The following OSBPL5 variants were observed in gnomAD, a reference collection of about 807,000 sequenced individuals.
OSBPL5 encodes the protein oxysterol binding protein like 5, also known as oxysterol-binding protein-related protein 5.
In OSBPL5, 71 loss-of-function variants were observed where a neutral mutation model predicts 111.2. The ratio of observed to expected loss-of-function variants is 0.64; its 90% confidence interval spans 0.53 to 0.78. OSBPL5 has a LOEUF of 0.78. OSBPL5 is among the 30% of genes least tolerant of loss of function. OSBPL5 has a pLI of 0.00. For missense variants in OSBPL5, 1,210 were observed against 1,189.3 expected (o/e 1.02, Z -0.26); for synonymous variants, 549 against 513.9 (o/e 1.07, Z -0.93).
intron 1 of OSBPL5, among the ~76,000 whole-genome samples, chr11:3,131,846 C>T (rs1845809114): frequency 8.3e-6 from 1 of 119,888 alleles, no homozygotes; most frequent in African/African-American, 3.3e-5. Flanking sequence ...TCTATCCATC[C>T]ACCCACCAAA....
At chr11:3,138,661 C>T (rs1564854079) in intron 1 of OSBPL5, among the ~76,000 whole-genome samples, 3 of 152,236 alleles carry the variant, frequency 2.0e-5, no homozygotes, top group Non-Finnish European at 4.4e-5. Flanking sequence ...CCCTCAGGCA[C>T]ACCTGGGGCC....
intron 1 of OSBPL5, among the ~76,000 whole-genome samples, chr11:3,148,015 C>A (rs1184313939): frequency 1.3e-5 from 2 of 152,196 alleles, no homozygotes; most frequent in Non-Finnish European, 2.9e-5. Context: ...CCTCCGCACG[C>A]CCCCGGCACC....
rs1857708847 is a variant in OSBPL5, at chr11:3,106,781, C to G, written c.1059+482G>C. Among the ~76,000 whole-genome samples, 3 of 152,142 alleles carry G rather than the reference C, an allele frequency of 2.0e-5. No homozygotes were observed. ...GTTTATCATCTATGTTTCCTGCTGC[C>G]CATACACTGGGGGCCCAGAGCCCAG... On this transcript the variant is annotated intron_variant, in intron 9 of 21. Coordinates refer to ENST00000263650, the MANE Select transcript of OSBPL5 (RefSeq NM_020896.4). This position sits in a 1 kb window ranked among gnomAD's most constrained non-coding sequence, Gnocchi z 8.4.
At chr11:3,128,809 G>T (rs1005306367) in intron 2 of OSBPL5, among the ~76,000 whole-genome samples, 2 of 152,082 alleles carry the variant, frequency 1.3e-5, no homozygotes, top group South Asian at 4.1e-4. Flanking sequence ...AACCAGATGG[G>T]CTTCACCTGG....
chr11:3,124,254 A>G (rs1465991124), intron 3 of OSBPL5, among the ~76,000 whole-genome samples: 1 of 152,170 alleles, frequency 6.6e-6, no homozygotes, highest in African/African-American at 2.4e-5. Flanking sequence ...GCACTTTCTT[A>G]GCCAAGTAAG....
At chr11:3,101,757 G>C (rs574177127) in intron 12 of OSBPL5, 58 bp from the exon 13 acceptor site, 1 of 1,431,382 alleles carries the variant, frequency 7.0e-7, no homozygotes, top group Non-Finnish European at 9.8e-7. Flanking sequence ...CCCAGGAAGC[G>C]AGAGCCCAGC....
Position 3,103,874 on chromosome 11 carries a change from GCCTCTGTAGCCCCATTCC to G in OSBPL5, c.1244+301_1244+318del, listed in dbSNP as rs1564830824. Among the ~76,000 whole-genome samples the G allele has an allele frequency of 1.3e-3, 65 of 48,586 alleles. 2 individuals carry two copies. Among genetic ancestry groups the G allele is most frequent in the Admixed American group, 4.7e-3 (19 of 4,078 alleles). 31.9% of individuals were successfully genotyped at this position (48,586 alleles called of 152,430 possible). On this transcript the variant is annotated intron_variant, in intron 10 of 21. Transcript: ENST00000263650. Reference sequence around the variant, plus strand: ...TTCCAGTCTGCGCAGCCCCCTTCCTGCCTCTGTAGCCCCATTCCTGCCTCTGCAGCCCCCTTCCTGCCT... The same window carrying G: ...TTCCAGTCTGCGCAGCCCCCTTCCTGTGCCTCTGCAGCCCCCTTCCTGCCT...
intron 4 of OSBPL5, 73 bp downstream of exon 4, chr11:3,122,275 G>A: frequency 6.6e-7 from 1 of 1,514,428 alleles, no homozygotes; most frequent in Admixed American, 1.8e-5. Flanking sequence ...AGGTGGGGAG[G>A]GTGACCTCCC....
At chr11:3,090,432 A>C in intron 20 of OSBPL5, 126 bp downstream of exon 20, 1 of 1,338,740 alleles carries the variant, frequency 7.5e-7, no homozygotes, top group Non-Finnish European at 1.0e-6. Context: ...AGGGCAGCAG[A>C]GGAGCTTTTG....
Position 3,107,152 on chromosome 11 carries a change from C to T in OSBPL5, c.1059+111G>A. ...TGCCAAGTGATGGGGACAAAAGCTA[C>T]CCCCTGGGCCCTGCGTGCTCCCCCT... On this transcript the variant is annotated intron_variant, in intron 9 of 21. Transcript: ENST00000263650. The surrounding 1 kb of genome is among the most constrained non-coding windows in gnomAD (Gnocchi z 6.1). 4.0e-6 allele frequency: 5 copies of T among 1,235,306 alleles called. No individual in the cohort carries two copies. 76.5% of individuals were successfully genotyped at this position (1,235,306 alleles called of 1,614,324 possible). A position where few individuals can be genotyped will look rare whatever the true frequency, so the allele number is the denominator to read the frequency against.
Position 3,092,124 on chromosome 11 carries a change from G to A in OSBPL5, c.2259+308C>T, listed in dbSNP as rs74048796. Reference sequence around the variant, plus strand: ...GGGCCCTGGGCTGCCCTGACCTTCTGTTTCCTGATCAGTGGAATGGGATAA... The same window carrying A: ...GGGCCCTGGGCTGCCCTGACCTTCTATTTCCTGATCAGTGGAATGGGATAA... On this transcript the variant is annotated intron_variant, in intron 19 of 21. Coordinates refer to ENST00000263650, the MANE Select transcript of OSBPL5 (RefSeq NM_020896.4). The surrounding 1 kb of genome is among the most constrained non-coding windows in gnomAD (Gnocchi z 5.4). Among the ~76,000 whole-genome samples, 8 of 152,146 alleles carry A rather than the reference G, an allele frequency of 5.3e-5. No homozygotes were observed. Among genetic ancestry groups the A allele is most frequent in the African/African-American group, 1.9e-4 (8 of 41,420 alleles).
intron 21 of OSBPL5, 100 bp downstream of exon 21, chr11:3,089,746 A>G (rs895563): frequency 0.78 from 855,402 of 1,101,690 alleles, 333,198 homozygotes; most frequent in South Asian, 0.84. Context: ...TGACAACCCC[A>G]GCCGCGGCCT....
rs1344478128 is a variant in OSBPL5, at chr11:3,122,147, C to T, written c.301-49G>A. 5.3e-6 allele frequency: 8 copies of T among 1,507,174 alleles called. No homozygotes were observed. The African/African-American group carries it at 1.1e-4, about 21-fold the overall frequency. The allele number at this position is 1,507,174 out of a possible 1,614,324, so 93.4% of individuals were successfully genotyped here. A position where few individuals can be genotyped will look rare whatever the true frequency, so the allele number is the denominator to read the frequency against. On this transcript the variant is annotated intron_variant, in intron 4 of 21. Transcript: ENST00000263650. ...GGTCATGGGAGAAGGCACCGAGCTGCCCCAGCTCCTCCCACCGTCCAGCCC... is the reference window on the plus strand; with the variant it reads ...GGTCATGGGAGAAGGCACCGAGCTGTCCCAGCTCCTCCCACCGTCCAGCCC...
chr11:3,104,386 G>T lies in OSBPL5; in HGVS notation c.1060-9C>A, dbSNP rs1464702796. On this transcript the variant is annotated splice_polypyrimidine_tract_variant and intron_variant, in intron 9 of 21. Transcript: ENST00000263650. The surrounding 1 kb of genome is among the most constrained non-coding windows in gnomAD (Gnocchi z 5.0). ...TGGGACGCCTCGCCCAGCTGCAGCAGACAGGCTGCAGTCAGGCCCTGCCCG... is the reference window on the plus strand; with the variant it reads ...TGGGACGCCTCGCCCAGCTGCAGCATACAGGCTGCAGTCAGGCCCTGCCCG... 1.2e-6 allele frequency: 2 copies of T among 1,606,700 alleles called. No homozygotes were observed. Among genetic ancestry groups the T allele is most frequent in the Non-Finnish European group, 8.5e-7 (1 of 1,179,442 alleles).
intron 1 of OSBPL5, among the ~76,000 whole-genome samples, chr11:3,148,175 CG>C (rs1227502775): frequency 3.3e-5 from 5 of 152,222 alleles, no homozygotes; most frequent in Non-Finnish European, 7.3e-5. Context: ...CGGGACTCCC[CG>C]GGGAGCAGGT....
Position 3,162,676 on chromosome 11 carries a change from C to T in OSBPL5, c.-22+2540G>A, listed in dbSNP as rs1390998660. Among the ~76,000 whole-genome samples, 1 of 152,052 alleles carries T rather than the reference C, an allele frequency of 6.6e-6. No homozygotes were observed. The highest frequency in any genetic ancestry group is 1.5e-5 in the Non-Finnish European group (1 of 68,030). On this transcript the variant is annotated intron_variant, in intron 1 of 21. Transcript: ENST00000263650. The surrounding 1 kb of genome is among the most constrained non-coding windows in gnomAD (Gnocchi z 8.1). ...TACCCAGCCGTGGCCAAGACCCAGC[C>T]ACCAAGGCCCCAAAACCTTTAAAAA...
At chr11:3,129,684 T>C (rs568914650) in intron 1 of OSBPL5, among the ~76,000 whole-genome samples, 1 of 152,284 alleles carries the variant, frequency 6.6e-6, no homozygotes, top group East Asian at 1.9e-4. Flanking sequence ...GCCATCCATC[T>C]AAGGGTCCCA....
At chr11:3,152,793 C>G (rs145331620) in intron 1 of OSBPL5, among the ~76,000 whole-genome samples, 1 of 152,198 alleles carries the variant, frequency 6.6e-6, no homozygotes. Context: ...GAGCGAGAAA[C>G]AGAAGAATGA....
In OSBPL5 at chr11:3,087,600, G is replaced by A. The variant is rs1449878150; in HGVS notation, c.*605C>T. The A allele has an allele frequency of 6.5e-6, 1 of 153,338 alleles. No individual in the cohort carries two copies. Among genetic ancestry groups the A allele is most frequent in the African/African-American group, 2.4e-5 (1 of 41,454 alleles). 9.5% of individuals were successfully genotyped at this position (153,338 alleles called of 1,614,324 possible). ...AGCGTCCAGGTGTGGGGGTGGGGTGGTTCCAGGACCTGCCTCTGTGGGGCT... is the reference window on the plus strand; with the variant it reads ...AGCGTCCAGGTGTGGGGGTGGGGTGATTCCAGGACCTGCCTCTGTGGGGCT... On this transcript the variant is annotated 3_prime_UTR_variant, in exon 22 of 22. Coordinates refer to ENST00000263650, the MANE Select transcript of OSBPL5 (RefSeq NM_020896.4).
Sources: allele counts gnomAD v4.1 joint callset (sites outside exome capture counted in the v4.1 genomes callset), GRCh38; gene constraint gnomAD v4.1.1; non-coding constraint Gnocchi (gnomAD v3.1); transcripts MANE v1.5; gene names NCBI Gene and HGNC (gene_info 2026-07-23, HGNC 2026-07-21).